The following MTOR variants were observed in gnomAD, a reference collection of about 807,000 sequenced individuals.
The protein encoded by MTOR is serine/threonine-protein kinase mTOR.
A neutral mutation model predicts 319.8 loss-of-function variants in MTOR; 70 were observed. That is an observed-to-expected ratio of 0.22 (90% CI 0.18 to 0.27). The LOEUF (loss-of-function observed/expected upper bound fraction) is 0.27. MTOR is among the 10% of genes least tolerant of loss of function. MTOR has a pLI of 1.00. For synonymous variants in MTOR, 1,183 were observed against 1,211.4 expected (o/e 0.98, Z 0.49); for missense variants, 1,890 against 3,274.4 (o/e 0.58, Z 10.32).
chr1:11,227,919 A>G (rs867372008), intron 19 of MTOR, among the ~76,000 whole-genome samples: 1 of 152,170 alleles, frequency 6.6e-6, no homozygotes, highest in African/African-American at 2.4e-5. Flanking sequence ...ATAAGCTTAC[A>G]ATGGAGAGAT....
At chr1:11,252,431 C>A (rs1168222333) in intron 6 of MTOR, among the ~76,000 whole-genome samples, 7 of 152,090 alleles carry the variant, frequency 4.6e-5, no homozygotes, top group Admixed American at 4.6e-4. Flanking sequence ...GCCACTGCAC[C>A]CAGCCCTGGG....
At chr1:11,150,100 C>G (rs764747743) in intron 31 of MTOR, 26 bp downstream of exon 31, 158 of 1,605,302 alleles carry the variant, frequency 9.8e-5, no homozygotes, top group Non-Finnish European at 1.3e-4. Flanking sequence ...CCATCCTTCA[C>G]AGGGTGCCTG....
At chr1:11,186,938 A>C (rs1332172926) in intron 28 of MTOR, among the ~76,000 whole-genome samples, 1 of 152,242 alleles carries the variant, frequency 6.6e-6, no homozygotes, top group Admixed American at 6.5e-5. Context: ...TTATGTTAGA[A>C]ATAAGTTTCC....
intron 57 of MTOR, among the ~76,000 whole-genome samples, chr1:11,107,818 TTCTC>T (rs1174939893): frequency 6.6e-5 from 10 of 152,240 alleles, no homozygotes; most frequent in African/African-American, 2.4e-4. Flanking sequence ...TTTTATCTCC[TTCTC>T]TCTGTCACTG....
chr1:11,161,667 C>G (rs906018025), intron 29 of MTOR, among the ~76,000 whole-genome samples: 3 of 152,196 alleles, frequency 2.0e-5, no homozygotes, highest in Admixed American at 1.3e-4. Flanking sequence ...GATACCCAGG[C>G]AAACGGGGTC....
chr1:11,240,112 G>A (rs1647809562), intron 11 of MTOR, among the ~76,000 whole-genome samples, 191 bp downstream of exon 11: 2 of 152,142 alleles, frequency 1.3e-5, no homozygotes, highest in African/African-American at 2.4e-5. Context: ...CCCAAACTCA[G>A]TATGGGACAA....
intron 19 of MTOR, 47 bp downstream of exon 19, chr1:11,228,621 G>A (rs146106031): frequency 1.3e-6 from 2 of 1,597,982 alleles, no homozygotes; most frequent in Non-Finnish European, 8.5e-7. Flanking sequence ...ATCTGTGCAT[G>A]TGTGGTGCAG....
intron 28 of MTOR, among the ~76,000 whole-genome samples, chr1:11,177,384 T>G (rs1174688734): frequency 6.6e-6 from 1 of 151,116 alleles, no homozygotes; most frequent in Non-Finnish European, 1.5e-5. Context: ...ATAGCAAGAC[T>G]TCGAATCTAC....
chr1:11,114,565 A>G, intron 52 of MTOR, 112 bp from the exon 53 acceptor site: 1 of 1,454,586 alleles, frequency 6.9e-7, no homozygotes, highest in Non-Finnish European at 9.4e-7. Context: ...ATGTTGACGT[A>G]TCAGGGTGAG....
intron 2 of MTOR, among the ~76,000 whole-genome samples, chr1:11,258,819 A>G (rs1650758073): frequency 1.3e-5 from 2 of 152,154 alleles, no homozygotes; most frequent in African/African-American, 4.8e-5. Flanking sequence ...GTGGCAGAAA[A>G]TGTCCTGTCC....
In MTOR at chr1:11,241,538, G is replaced by C. The variant is rs756197580; in HGVS notation, c.1541+15C>G. On this transcript the variant is annotated intron_variant, in intron 10 of 57. Coordinates refer to ENST00000361445, the MANE Select transcript of MTOR (RefSeq NM_004958.4). Reference sequence around the variant, plus strand: ...TCACGCTGATACAGGGCAAGCTCAGGTTTCTGACACCCACCTTAGTCCCAC... The same window carrying C: ...TCACGCTGATACAGGGCAAGCTCAGCTTTCTGACACCCACCTTAGTCCCAC... 6.2e-7 allele frequency: 1 copy of C among 1,604,116 alleles called. No individual in the cohort carries two copies. Among genetic ancestry groups the C allele is most frequent in the Non-Finnish European group, 8.5e-7 (1 of 1,173,606 alleles).
chr1:11,117,160 G>T, intron 49 of MTOR, 74 bp from the exon 50 acceptor site: 2 of 1,240,362 alleles, frequency 1.6e-6, no homozygotes, highest in Non-Finnish European at 2.3e-6. Context: ...CTAATAAGCT[G>T]TCTTTGGTTT....
At chr1:11,260,943 C>T (rs990442093) in intron 1 of MTOR, among the ~76,000 whole-genome samples, 1 of 151,762 alleles carries the variant, frequency 6.6e-6, no homozygotes, top group Non-Finnish European at 1.5e-5. Flanking sequence ...ATGTGCAGCA[C>T]CACGCCTGGC....
At chr1:11,242,192 C>T (rs921805509) in intron 9 of MTOR, among the ~76,000 whole-genome samples, 12 of 150,760 alleles carry the variant, frequency 8.0e-5, no homozygotes, top group Admixed American at 6.6e-5. Flanking sequence ...GGTGAAACCC[C>T]GCCTCTACTA....
chr1:11,106,838 T>A lies in MTOR; in HGVS notation c.*647A>T. The A allele has an allele frequency of 7.6e-7, 1 of 1,309,854 alleles. No individual in the cohort carries two copies. Among genetic ancestry groups the A allele is most frequent in the East Asian group, 3.4e-5 (1 of 28,988 alleles). 81.1% of individuals were successfully genotyped at this position (1,309,854 alleles called of 1,614,324 possible). ...CTCTGTGCATCTGCTCAGCCGAGGC[T>A]GCCAGCGATCTGAATAAACCTCCCT... On this transcript the variant is annotated 3_prime_UTR_variant, in exon 58 of 58. Transcript: ENST00000361445.
intron 19 of MTOR, among the ~76,000 whole-genome samples, 190 bp from the exon 20 acceptor site, chr1:11,216,424 C>A (rs778095650): frequency 6.6e-6 from 1 of 152,084 alleles, no homozygotes; most frequent in African/African-American, 2.4e-5. Flanking sequence ...GAGGCCAAGG[C>A]GGGAGGACTG....
rs1031199649 is a variant in MTOR, at chr1:11,127,587, T to C, written c.6216+37A>G. On this transcript the variant is annotated intron_variant, in intron 44 of 57. Transcript: ENST00000361445. The surrounding 1 kb of genome is among the most constrained non-coding windows in gnomAD (Gnocchi z 5.5). The stretch of plus-strand genomic sequence containing the variant: ...TTTTTTTTTAGTGGCAGAATATTTC[T>C]ACAGGGTTATGTCCTTTCGTGTTTT... 1.9e-6 allele frequency: 3 copies of C among 1,550,282 alleles called. No individual in the cohort carries two copies. Among genetic ancestry groups the C allele is most frequent in the Non-Finnish European group, 2.6e-6 (3 of 1,150,372 alleles).
In MTOR at chr1:11,212,927, GC is replaced by G. The variant is rs1400496402; in HGVS notation, c.3286-20del. 1 of 1,594,236 alleles carries G rather than the reference GC, an allele frequency of 6.3e-7. No individual in the cohort carries two copies. The highest frequency in any genetic ancestry group is 1.1e-5 in the South Asian group (1 of 90,584). On this transcript the variant is annotated intron_variant, in intron 21 of 57. Coordinates refer to ENST00000361445, the MANE Select transcript of MTOR (RefSeq NM_004958.4). The surrounding 1 kb of genome is among the most constrained non-coding windows in gnomAD (Gnocchi z 4.1). ...CCAGTAACTGCAAAAGGGAGCAAAA[GC>G]ATGGTGATGAATAGTCAGGTCCCAA... is the stretch of plus-strand genomic sequence containing the variant.
intron 6 of MTOR, among the ~76,000 whole-genome samples, chr1:11,250,485 G>A (rs1649531222): frequency 6.6e-6 from 1 of 152,124 alleles, no homozygotes; most frequent in African/African-American, 2.4e-5. Context: ...TTCTTCACCT[G>A]GCTTCTCAGA....
Sources: gnomAD v4.1 joint callset for allele counts (sites outside exome capture counted in the v4.1 genomes callset) on GRCh38, gnomAD v4.1.1 for gene constraint, Gnocchi (gnomAD v3.1) non-coding constraint, MANE v1.5 for transcripts, NCBI Gene and HGNC (gene_info 2026-07-23, HGNC 2026-07-21) for gene names.